EXD3: variants seen among roughly 807,000 people sequenced by gnomAD.
EXD3 encodes exonuclease 3'-5' domain containing 3.
EXD3 carries 92 observed loss-of-function variants against 98.0 expected under a neutral mutation model. That is an observed-to-expected ratio of 0.94 (90% confidence interval 0.79 to 1.12). The LOEUF is 1.12. EXD3 is among the 50% of genes most tolerant of loss of function. The probability of loss-of-function intolerance (pLI) is 0.00; values close to 1 mark genes in which losing one functional copy is unlikely to be tolerated. For synonymous variants in EXD3, 569 were observed against 526.0 expected (o/e 1.08, Z -1.12); for missense variants, 1,222 against 1,191.6 (o/e 1.03, Z -0.38).
At chr9:137,318,000 G>A (rs1284369914) in intron 19 of EXD3, among the ~76,000 whole-genome samples, 3 of 152,126 alleles carry the variant, frequency 2.0e-5, no homozygotes, top group Non-Finnish European at 2.9e-5. Flanking sequence ...GTCTGTGGCC[G>A]CTGCACCTCT....
At chr9:137,368,316 G>A (rs1835377047) in intron 5 of EXD3, among the ~76,000 whole-genome samples, 1 of 152,190 alleles carries the variant, frequency 6.6e-6, no homozygotes, top group Non-Finnish European at 1.5e-5. Flanking sequence ...GCCAGAGGAA[G>A]GCTAGGAGGT....
chr9:137,356,355 C>A lies in EXD3; in HGVS notation c.670G>T (p.Val224Leu), dbSNP rs762305841. The A allele has an allele frequency of 1.9e-6, 3 of 1,600,156 alleles. No homozygotes were observed. The highest frequency in any genetic ancestry group is 2.6e-6 in the Non-Finnish European group (3 of 1,173,414). Residue 224 changes from valine (V) to leucine (L), a missense_variant, in exon 8 of 22, where the codon GTG (valine) becomes TTG (leucine). By Grantham distance (32) the Val-to-Leu change is conservative. Transcript: ENST00000340951. ...IKDVARRYPE[V>L]TSLSLEKLSP... ...AGCTTCTCCAGGCTCAAGGAGGTCA[C>A]CTCAGGGTACCGTCTGTGGGGAGAG...
chr9:137,369,089 G>T, intron 5 of EXD3, among the ~76,000 whole-genome samples: 1 of 149,096 alleles, frequency 6.7e-6, no homozygotes, highest in South Asian at 2.1e-4. Context: ...GCCGTGGGGA[G>T]GGGCGCAGGG....
At chr9:137,388,431 T>C (rs547140459) in intron 2 of EXD3, among the ~76,000 whole-genome samples, 15 of 152,260 alleles carry the variant, frequency 9.9e-5, no homozygotes, top group Middle Eastern at 3.4e-3. Flanking sequence ...ACCCGGCTAA[T>C]GGGGCTGCCT....
At chr9:137,328,580 AGCTACACGGG>A (rs1832639355) in intron 17 of EXD3, among the ~76,000 whole-genome samples, 2 of 91,658 alleles carry the variant, frequency 2.2e-5, no homozygotes, top group African/African-American at 4.6e-5. Context: ...GTTACACAGG[AGCTACACGGG>A]ACTACACGGG....
intron 3 of EXD3, chr9:137,377,072 A>T (rs1835945303): frequency 6.6e-6 from 1 of 152,148 alleles, no homozygotes; most frequent in South Asian, 2.1e-4. Context: ...CATTCCTCTG[A>T]CCTGGACTCT....
At chr9:137,387,964 CA>C (rs1399755645) in intron 2 of EXD3, among the ~76,000 whole-genome samples, 1 of 152,258 alleles carries the variant, frequency 6.6e-6, no homozygotes, top group East Asian at 1.9e-4. Flanking sequence ...GACGCTGAGA[CA>C]GATGGCCCTG....
At chr9:137,404,625 C>A (rs1837632260) in intron 1 of EXD3, among the ~76,000 whole-genome samples, 1 of 152,224 alleles carries the variant, frequency 6.6e-6, no homozygotes, top group Non-Finnish European at 1.5e-5. Context: ...CTTTGGGAGG[C>A]CAAGGCCGGA....
intron 17 of EXD3, among the ~76,000 whole-genome samples, chr9:137,337,456 G>A (rs905277765): frequency 1.8e-4 from 27 of 152,168 alleles, no homozygotes; most frequent in African/African-American, 6.3e-4. Flanking sequence ...TTCCAGACCA[G>A]CCTGGCCAAT....
chr9:137,372,552 C>T (rs978896536), intron 5 of EXD3, among the ~76,000 whole-genome samples: 3 of 152,240 alleles, frequency 2.0e-5, no homozygotes, highest in African/African-American at 7.2e-5. Flanking sequence ...GGCGCAGAGG[C>T]TAACAGACAT....
intron 3 of EXD3, among the ~76,000 whole-genome samples, chr9:137,377,462 A>T (rs1427492357): frequency 6.8e-6 from 1 of 147,756 alleles, no homozygotes; most frequent in East Asian, 2.0e-4. Context: ...AAAAAAAAAA[A>T]GGGAAAGGCA....
chr9:137,404,834 T>C (rs543841660), intron 1 of EXD3, among the ~76,000 whole-genome samples: 2 of 150,256 alleles, frequency 1.3e-5, no homozygotes, highest in Non-Finnish European at 3.0e-5. Flanking sequence ...CACTCCAGCC[T>C]GGGCAACAAG....
chr9:137,318,621 CACCCTGCCCCAGAGGGCACG>C (rs530988634), intron 19 of EXD3, among the ~76,000 whole-genome samples: 8 of 152,272 alleles, frequency 5.3e-5, no homozygotes, highest in Non-Finnish European at 8.8e-5. Flanking sequence ...TCCCCACCCC[CACCCTGCCCCAGAGGGCACG>C]GCCCTGCCCT....
chr9:137,352,396 C>T (rs1325030793), intron 11 of EXD3, among the ~76,000 whole-genome samples, 195 bp from the exon 12 acceptor site: 1 of 152,180 alleles, frequency 6.6e-6, no homozygotes, highest in Non-Finnish European at 1.5e-5. Context: ...GGTGACTGTC[C>T]CCCCAGGGTC....
chr9:137,345,049 G>A (rs1043438442), intron 17 of EXD3, among the ~76,000 whole-genome samples: 3 of 152,226 alleles, frequency 2.0e-5, no homozygotes, highest in Admixed American at 6.5e-5. Context: ...TCCACTGTCT[G>A]GAGATCCCCT....
At chr9:137,355,506 AGGAGGAAGGAGGAAGGAGGAT>A in intron 8 of EXD3, among the ~76,000 whole-genome samples, 1 of 80,632 alleles carries the variant, frequency 1.2e-5, no homozygotes, top group African/African-American at 5.5e-5. Flanking sequence ...GGAAGGAGGA[AGGAGGAAGGAGGAAGGAGGAT>A]GGAGGAAGGA....
At chr9:137,351,592 T>TCAG in intron 12 of EXD3, 64 bp from the exon 13 acceptor site, 1 of 1,475,688 alleles carries the variant, frequency 6.8e-7, no homozygotes, top group Non-Finnish European at 9.2e-7. Context: ...GACCACAGCC[T>TCAG]GGAGGTCCTG....
chr9:137,422,648 G>A (rs1021105087), intron 1 of EXD3, among the ~76,000 whole-genome samples: 2 of 152,190 alleles, frequency 1.3e-5, no homozygotes, highest in Non-Finnish European at 2.9e-5. Context: ...ATTATTTTAG[G>A]TTGACAACTA....
At chr9:137,356,224 G>A (rs1162608362) in intron 8 of EXD3, 44 bp downstream of exon 8, 8 of 1,446,924 alleles carry the variant, frequency 5.5e-6, no homozygotes, top group Non-Finnish European at 7.6e-6. Flanking sequence ...ACGCTTGGCG[G>A]CTCTCCCTGG....
Sources: gnomAD v4.1 joint callset for allele counts (sites outside exome capture counted in the v4.1 genomes callset) on GRCh38, gnomAD v4.1.1 for gene constraint, MANE v1.5 for transcripts, NCBI Gene and HGNC (gene_info 2026-07-23, HGNC 2026-07-21) for gene names.